RASA1: variants seen among roughly 807,000 people sequenced by gnomAD.
RASA1 encodes RAS p21 protein activator 1, also known as ras GTPase-activating protein 1.
A neutral mutation model predicts 132.2 loss-of-function variants in RASA1; 25 were observed. That is an observed-to-expected ratio of 0.19 (90% CI 0.14 to 0.26). The LOEUF is 0.26. Among genes scored for constraint, RASA1 ranks in the 10% least tolerant of loss-of-function variants. The probability of loss-of-function intolerance (pLI) is 1.00; values close to 1 mark genes in which losing one functional copy is unlikely to be tolerated. For missense variants in RASA1, 964 were observed against 1,299.2 expected, an observed-to-expected ratio of 0.74 and a Z score of 3.97; for synonymous variants, 477 against 449.9, an observed-to-expected ratio of 1.06 and a Z score of -0.76.
intron 1 of RASA1, among the ~76,000 whole-genome samples, chr5:87,287,093 T>C (rs941205334): frequency 9.6e-5 from 14 of 145,642 alleles, no homozygotes; most frequent in African/African-American, 3.0e-4. Flanking sequence ...ACCATATATA[T>C]ACACACCATA....
At chr5:87,388,391 A>C (rs1189287039) in intron 23 of RASA1, among the ~76,000 whole-genome samples, 3 of 152,178 alleles carry the variant, frequency 2.0e-5, no homozygotes, top group Non-Finnish European at 4.4e-5. Flanking sequence ...GTCGATAATA[A>C]AGTACAGGTT....
At chr5:87,384,164 G>A (rs566301873) in intron 21 of RASA1, among the ~76,000 whole-genome samples, 4 of 152,082 alleles carry the variant, frequency 2.6e-5, no homozygotes, top group Admixed American at 6.6e-5. Context: ...CAAATTAAAT[G>A]ATATGTACAG....
At chr5:87,335,852 T>C (rs1757939183) in intron 4 of RASA1, among the ~76,000 whole-genome samples, 1 of 152,220 alleles carries the variant, frequency 6.6e-6, no homozygotes, top group African/African-American at 2.4e-5. Flanking sequence ...AAAAGATTCA[T>C]TTAAAGTGCA....
intron 1 of RASA1, among the ~76,000 whole-genome samples, chr5:87,279,791 G>A (rs771664342): frequency 8.5e-5 from 13 of 152,166 alleles, no homozygotes; most frequent in Non-Finnish European, 1.9e-4. Context: ...TAAGATACAT[G>A]CATATATAAA....
intron 1 of RASA1, among the ~76,000 whole-genome samples, chr5:87,315,027 G>A (rs1756215714): frequency 6.6e-6 from 1 of 152,170 alleles, no homozygotes; most frequent in Non-Finnish European, 1.5e-5. Flanking sequence ...TAGGCAGAAT[G>A]TGGTTTCCAA....
chr5:87,368,480 G>C (rs1016831226), intron 11 of RASA1, among the ~76,000 whole-genome samples: 1 of 152,044 alleles, frequency 6.6e-6, no homozygotes, highest in East Asian at 1.9e-4. Context: ...TGTCTACTTA[G>C]TTTGACTAAG....
In RASA1 at chr5:87,380,584, A is replaced by T; in HGVS notation, c.2679A>T (p.Thr893=). The T allele has an allele frequency of 6.2e-7, 1 of 1,611,414 alleles. No homozygotes were observed. The highest frequency in any genetic ancestry group is 8.5e-7 in the Non-Finnish European group (1 of 1,177,662). Residue 893 remains threonine (T), a synonymous_variant, in exon 20 of 25, where the codon ACA becomes ACT. Coordinates refer to ENST00000274376, the MANE Select transcript of RASA1 (RefSeq NM_002890.3). ...GGCCTACAAATACCACCATGAGAACAAGAGTTGTTAGGTAAGGCTCATCAA... is the reference window on the plus strand; with the variant it reads ...GGCCTACAAATACCACCATGAGAACTAGAGTTGTTAGGTAAGGCTCATCAA... The part of the protein sequence containing the change: ...HKWPTNTTMR[T]RVVSGFVFLR...
chr5:87,268,319 CTTT>C lies in RASA1; in HGVS notation c.-131_-129del. 4 of 1,129,846 alleles carry C rather than the reference CTTT, an allele frequency of 3.5e-6. No homozygotes were observed. The highest frequency in any genetic ancestry group is 4.8e-6 in the Non-Finnish European group (4 of 826,660). 70.0% of individuals were successfully genotyped at this position (1,129,846 alleles called of 1,614,324 possible). A position where few individuals can be genotyped will look rare whatever the true frequency, so the allele number is the denominator to read the frequency against. On this transcript the variant is annotated 5_prime_UTR_variant, in exon 1 of 25. Transcript: ENST00000274376. ...AGGGGGCGCGGCGGCGGGCTCTCTC[CTTT>C]TGTTGTTGTTTCCTCAGCCTGGGGA...
At position 87,286,895 on chromosome 5, in the gene RASA1, TACACCATATATAAGGA is replaced by T. The variant is rs1467850012; in HGVS notation, c.539+17918_539+17933del. 1.1e-4 allele frequency among the ~76,000 whole-genome samples: 17 copies of T among 149,814 alleles called. No homozygotes were observed. The South Asian group carries it at 3.6e-3, about 31-fold the overall frequency. ...CATATATATATACACCATATACATA[TACACCATATATAAGGA>T]ACACCATATATATACATACCATATA... is the stretch of plus-strand genomic sequence containing the variant. On this transcript the variant is annotated intron_variant, in intron 1 of 24. Coordinates refer to ENST00000274376, the MANE Select transcript of RASA1 (RefSeq NM_002890.3).
At chr5:87,279,144 G>A (rs1400400483) in intron 1 of RASA1, among the ~76,000 whole-genome samples, 2 of 152,160 alleles carry the variant, frequency 1.3e-5, no homozygotes, top group Non-Finnish European at 2.9e-5. Flanking sequence ...TCAGGAGGCT[G>A]AGGTGGGAGG....
At chr5:87,290,759 T>C (rs1039230912) in intron 1 of RASA1, among the ~76,000 whole-genome samples, 4 of 152,230 alleles carry the variant, frequency 2.6e-5, no homozygotes, top group African/African-American at 9.6e-5. Flanking sequence ...CCTTTTCACA[T>C]TGGCTTCTTT....
rs1060503441 is a variant in RASA1, at chr5:87,331,416, GTTATC to G, written c.613_617del (p.Leu205LysfsTer4). The G allele has an allele frequency of 6.2e-7, 1 of 1,613,764 alleles. No homozygotes were observed. Among genetic ancestry groups the G allele is most frequent in the Non-Finnish European group, 8.5e-7 (1 of 1,179,712 alleles). On this transcript the variant is annotated frameshift_variant, in exon 2 of 25. Coordinates refer to ENST00000274376, the MANE Select transcript of RASA1 (RefSeq NM_002890.3). LOFTEE classifies it high-confidence loss of function. ...CTCAGGCAGGCAGGGAAGTCTGGCA[GTTATC>G]TTATAAGAGAGAGTGATCGGAGGCC...
intron 11 of RASA1, among the ~76,000 whole-genome samples, chr5:87,365,938 A>C (rs1469868243): frequency 6.6e-6 from 1 of 152,162 alleles, no homozygotes; most frequent in Non-Finnish European, 1.5e-5. Flanking sequence ...TGGAGGCTGT[A>C]ATAAAATCTA....
intron 1 of RASA1, among the ~76,000 whole-genome samples, chr5:87,293,429 T>A (rs1386829053): frequency 6.6e-6 from 1 of 152,198 alleles, no homozygotes; most frequent in Non-Finnish European, 1.5e-5. Flanking sequence ...GTTGAGCCAG[T>A]CTTGGTAAAT....
At chr5:87,344,415 G>C (rs1006754111) in intron 6 of RASA1, among the ~76,000 whole-genome samples, 1 of 152,068 alleles carries the variant, frequency 6.6e-6, no homozygotes, top group Admixed American at 6.6e-5. Context: ...CCTAAAAAAT[G>C]ATCTGTTATC....
At chr5:87,276,600 C>T (rs1754071491) in intron 1 of RASA1, among the ~76,000 whole-genome samples, 1 of 152,074 alleles carries the variant, frequency 6.6e-6, no homozygotes, top group Non-Finnish European at 1.5e-5. Flanking sequence ...TAAAAGTAGT[C>T]TACAGATACG....
At chr5:87,346,819 T>TTAGTGTTTA in intron 7 of RASA1, 95 bp downstream of exon 7, 1 of 908,800 alleles carries the variant, frequency 1.1e-6, no homozygotes, top group South Asian at 1.5e-5. Context: ...TAGCATTCAG[T>TTAGTGTTTA]TAGTGTTTAT....
chr5:87,285,864 C>T (rs1754535538), intron 1 of RASA1, among the ~76,000 whole-genome samples: 1 of 152,068 alleles, frequency 6.6e-6, no homozygotes. Context: ...GGTAATCTGC[C>T]TGCCTCAGCC....
chr5:87,368,372 T>G (rs899532192), intron 11 of RASA1, among the ~76,000 whole-genome samples: 1 of 152,182 alleles, frequency 6.6e-6, no homozygotes, highest in Admixed American at 6.5e-5. Flanking sequence ...TTAATTATAA[T>G]TACTTGAAAG....
Sources: gnomAD v4.1 joint callset for allele counts (sites outside exome capture counted in the v4.1 genomes callset) on GRCh38, gnomAD v4.1.1 for gene constraint, MANE v1.5 for transcripts, NCBI Gene and HGNC (gene_info 2026-07-23, HGNC 2026-07-21) for gene names.